ALG9: variants seen among roughly 807,000 people sequenced by gnomAD.
ALG9 encodes the protein ALG9 alpha-1,2-mannosyltransferase, also known as alpha-1,2-mannosyltransferase ALG9.
Under a neutral mutation model 81.8 loss-of-function variants are expected in ALG9, and 55 were observed. The ratio of observed to expected loss-of-function variants is 0.67; its 90% confidence interval spans 0.54 to 0.84. The LOEUF (loss-of-function observed/expected upper bound fraction) is 0.84, where lower values mean the gene tolerates loss of function less well. Ranked by LOEUF, ALG9 falls within the 40% of genes least tolerant of loss-of-function variation. The pLI is 0.00. For synonymous variants in ALG9, 278 were observed against 274.3 expected (o/e 1.01, Z -0.13); for missense variants, 629 against 745.0 (o/e 0.84, Z 1.81).
chr11:111,827,261 G>A (rs1555109370), intron 13 of ALG9, among the ~76,000 whole-genome samples: 1 of 152,146 alleles, frequency 6.6e-6, no homozygotes. Context: ...CGGAGCAACT[G>A]AGGTCGGGAG....
At chr11:111,871,331 C>T in intron 1 of ALG9, 21 bp downstream of exon 1, 1 of 1,456,358 alleles carries the variant, frequency 6.9e-7, no homozygotes, top group South Asian at 1.4e-5. Context: ...CGGCCACGCC[C>T]CTGCCGCGCC....
chr11:111,778,630 A>G (rs1387869446), downstream of ALG9, among the ~76,000 whole-genome samples: 2 of 151,822 alleles, frequency 1.3e-5, no homozygotes, highest in Admixed American at 6.6e-5. Context: ...ATTACCTTTG[A>G]TTTTTTGGTG....
At chr11:111,857,211 G>A (rs1196569067) in intron 6 of ALG9, among the ~76,000 whole-genome samples, 5 of 152,164 alleles carry the variant, frequency 3.3e-5, no homozygotes, top group South Asian at 2.1e-4. Flanking sequence ...GTGGTGCCGC[G>A]TGGAGAAAAC....
chr11:111,854,431 G>A (rs879950042), intron 6 of ALG9, among the ~76,000 whole-genome samples: 11 of 151,904 alleles, frequency 7.2e-5, no homozygotes, highest in South Asian at 2.1e-4. Context: ...ACCACACCCC[G>A]CTAATTGTTT....
chr11:111,859,458 G>A (rs1175391939), intron 5 of ALG9, among the ~76,000 whole-genome samples: 1 of 151,538 alleles, frequency 6.6e-6, no homozygotes, highest in Non-Finnish European at 1.5e-5. Flanking sequence ...AGCCGAGATG[G>A]CATCACTGCA....
intron 12 of ALG9, among the ~76,000 whole-genome samples, chr11:111,836,947 G>A (rs1555118146): frequency 6.6e-6 from 1 of 152,118 alleles, no homozygotes; most frequent in Non-Finnish European, 1.5e-5. Context: ...CTGGCCAAAT[G>A]AAGCAAACTA....
chr11:111,838,452 G>C, intron 10 of ALG9, 53 bp from the exon 11 acceptor site: 1 of 1,507,644 alleles, frequency 6.6e-7, no homozygotes, highest in Non-Finnish European at 9.1e-7. Flanking sequence ...AGACATCACA[G>C]TAACATCAAG....
At chr11:111,861,575 G>C (rs1338775201) in intron 4 of ALG9, among the ~76,000 whole-genome samples, 1 of 152,032 alleles carries the variant, frequency 6.6e-6, no homozygotes, top group Non-Finnish European at 1.5e-5. Flanking sequence ...GTGTTCAATG[G>C]AACCTCCTGC....
chr11:111,790,494 G>A (rs891761053), intron 14 of ALG9, among the ~76,000 whole-genome samples: 3 of 152,216 alleles, frequency 2.0e-5, no homozygotes, highest in Middle Eastern at 3.4e-3. Flanking sequence ...AAAATAAGTG[G>A]CTGGACTGAA....
chr11:111,806,848 A>G (rs1370788759), intron 14 of ALG9, among the ~76,000 whole-genome samples: 1 of 152,054 alleles, frequency 6.6e-6, no homozygotes, highest in Non-Finnish European at 1.5e-5. Context: ...TCTACCCCTA[A>G]AACTGTAAAA....
chr11:111,779,477 C>T (rs1218705404), downstream of ALG9, among the ~76,000 whole-genome samples: 4 of 151,998 alleles, frequency 2.6e-5, no homozygotes, highest in Admixed American at 6.6e-5. Context: ...AAGAAGTTGC[C>T]TCATTTATAT....
At chr11:111,841,756 T>C (rs1477346871) in intron 9 of ALG9, among the ~76,000 whole-genome samples, 1 of 152,174 alleles carries the variant, frequency 6.6e-6, no homozygotes, top group Non-Finnish European at 1.5e-5. Flanking sequence ...TCACTTTCAC[T>C]GTAGAAATTC....
In ALG9 at chr11:111,783,375, T is replaced by G. The variant is rs1243927787; in HGVS notation, c.*3022A>C. 6.6e-6 allele frequency: 1 copy of G among 152,306 alleles called. No individual in the cohort carries two copies. Among genetic ancestry groups the G allele is most frequent in the Non-Finnish European group, 1.5e-5 (1 of 68,240 alleles). The allele number at this position is 152,306 out of a possible 1,614,324, so 9.4% of individuals were successfully genotyped here. Reference sequence around the variant, plus strand: ...CAGGAGGCTGAAGCAGGAGAATTGCTTGAACCCGGGAGACAGAGGTTGCAG... The same window carrying G: ...CAGGAGGCTGAAGCAGGAGAATTGCGTGAACCCGGGAGACAGAGGTTGCAG... On this transcript the variant is annotated 3_prime_UTR_variant, in exon 15 of 15. Coordinates refer to ENST00000616540, the MANE Select transcript of ALG9 (RefSeq NM_024740.2).
chr11:111,843,802 A>G (rs1164373289), intron 9 of ALG9, among the ~76,000 whole-genome samples: 1 of 152,204 alleles, frequency 6.6e-6, no homozygotes, highest in African/African-American at 2.4e-5. Flanking sequence ...GCAGACACAG[A>G]AACAAAAAGG....
intron 13 of ALG9, among the ~76,000 whole-genome samples, chr11:111,824,972 A>G (rs1214738152): frequency 1.3e-5 from 2 of 152,240 alleles, no homozygotes; most frequent in Admixed American, 6.5e-5. Context: ...TTCCTGCAAC[A>G]TATCAAACTT....
chr11:111,857,376 G>A lies in ALG9; in HGVS notation c.701+226C>T, dbSNP rs553417713. Among the ~76,000 whole-genome samples, 9 of 152,274 alleles carry A rather than the reference G, an allele frequency of 5.9e-5. No homozygotes were observed. In the East Asian group the frequency reaches 1.7e-3, roughly 29 times the overall value. On this transcript the variant is annotated intron_variant, in intron 6 of 14. Transcript: ENST00000616540. ...TGTAAGGTTTCAAGATAAGGTTTAC[G>A]AAGGGTTTCACTGTGCCTAACACAT...
At chr11:111,779,754 T>G (rs1945828228), downstream of ALG9, among the ~76,000 whole-genome samples, 1 of 152,214 alleles carries the variant, frequency 6.6e-6, no homozygotes, top group East Asian at 1.9e-4. Context: ...AAGTATTTTA[T>G]GAGAATTCAC....
chr11:111,862,397 C>A (rs958279140), intron 4 of ALG9, among the ~76,000 whole-genome samples: 1 of 151,960 alleles, frequency 6.6e-6, no homozygotes, highest in African/African-American at 2.4e-5. Context: ...CCACACCTGG[C>A]TAATTTTTGT....
chr11:111,849,137 G>A (rs1957367364), intron 8 of ALG9, among the ~76,000 whole-genome samples: 1 of 151,678 alleles, frequency 6.6e-6, no homozygotes, highest in Non-Finnish European at 1.5e-5. Flanking sequence ...TGCAAGCTCT[G>A]CCTCCCGAGT....
Sources: gnomAD v4.1 joint callset for allele counts (sites outside exome capture counted in the v4.1 genomes callset) on GRCh38, gnomAD v4.1.1 for gene constraint, MANE v1.5 for transcripts, NCBI Gene and HGNC (gene_info 2026-07-23, HGNC 2026-07-21) for gene names.